The following RBFOX1 variants were observed in gnomAD, a reference collection of about 807,000 sequenced individuals.
The protein encoded by RBFOX1 is RNA binding fox-1 homolog 1, also known as RNA binding protein fox-1 homolog 1.
A neutral mutation model predicts 57.7 loss-of-function variants in RBFOX1; 8 were observed. The observed-to-expected ratio is 0.14, with a 90% confidence interval of 0.08 to 0.25. The LOEUF is 0.25. Ranked by LOEUF, RBFOX1 falls within the 10% of genes least tolerant of loss-of-function variation. The pLI is 1.00. For missense variants in RBFOX1, 611 were observed against 548.5 expected (o/e 1.11, Z -1.14); for synonymous variants, 326 against 222.4 (o/e 1.47, Z -4.15).
intron 1 of RBFOX1, among the ~76,000 whole-genome samples, chr16:6,231,325 A>G (rs936044222): frequency 2.6e-5 from 4 of 152,026 alleles, no homozygotes; most frequent in African/African-American, 7.2e-5. Flanking sequence ...GATGAAGGTT[A>G]TAAGTGGAGG....
intron 14 of RBFOX1, among the ~76,000 whole-genome samples, chr16:7,701,631 C>T (rs1282900658): frequency 1.3e-5 from 2 of 152,076 alleles, no homozygotes; most frequent in Admixed American, 6.5e-5. Context: ...GGTTTAGTTC[C>T]TCCAACTTCA....
intron 3 of RBFOX1, among the ~76,000 whole-genome samples, chr16:5,853,505 C>T (rs2056947680): frequency 1.3e-5 from 2 of 152,192 alleles, no homozygotes; most frequent in South Asian, 4.2e-4. Flanking sequence ...CTGGACCATC[C>T]AGCTGCACCT....
intron 2 of RBFOX1, among the ~76,000 whole-genome samples, chr16:6,640,899 C>T (rs1295581378): frequency 2.0e-5 from 3 of 152,090 alleles, no homozygotes; most frequent in Non-Finnish European, 4.4e-5. Context: ...ATCAGAACAG[C>T]ACCAGAAACC....
intron 2 of RBFOX1, among the ~76,000 whole-genome samples, chr16:6,386,969 A>G (rs2092327159): frequency 6.6e-6 from 1 of 152,190 alleles, no homozygotes; most frequent in South Asian, 2.1e-4. Flanking sequence ...TGGGGTAGTT[A>G]TTGATTCCGC....
intron 2 of RBFOX1, among the ~76,000 whole-genome samples, chr16:5,536,556 A>C (rs1289537104): frequency 1.3e-5 from 2 of 152,070 alleles, no homozygotes; most frequent in Non-Finnish European, 2.9e-5. Flanking sequence ...CTTACTGCAC[A>C]CCACAAAGAA....
intron 4 of RBFOX1, among the ~76,000 whole-genome samples, chr16:6,009,802 A>ATGTGTGTGTGTGTGTG (rs753032432): frequency 1.7e-5 from 1 of 58,562 alleles, no homozygotes; most frequent in African/African-American, 8.8e-5. Flanking sequence ...CAGTGTGTGT[A>ATGTGTGTGTGTGTGTG]TGTGTGTGTG....
At chr16:7,229,824 G>C (rs1442447700) in intron 4 of RBFOX1, among the ~76,000 whole-genome samples, 10 of 24,208 alleles carry the variant, frequency 4.1e-4, no homozygotes, top group Non-Finnish European at 8.0e-4. Context: ...GGAAGGAAGG[G>C]AGAGAGAGGG....
intron 3 of RBFOX1, among the ~76,000 whole-genome samples, chr16:5,773,808 C>G (rs2054056113): frequency 6.6e-6 from 1 of 152,150 alleles, no homozygotes; most frequent in Non-Finnish European, 1.5e-5. Flanking sequence ...AGCGGTTCTA[C>G]TGCCTCAACC....
intron 2 of RBFOX1, among the ~76,000 whole-genome samples, chr16:6,377,932 G>T (rs2091379057): frequency 6.6e-6 from 1 of 152,140 alleles, no homozygotes. Flanking sequence ...TCTCAAAGAT[G>T]ATTCCTGATC....
At chr16:6,599,217 A>G (rs949820639) in intron 2 of RBFOX1, among the ~76,000 whole-genome samples, 13 of 147,030 alleles carry the variant, frequency 8.8e-5, no homozygotes, top group African/African-American at 3.5e-4. Flanking sequence ...GCAAATCATT[A>G]TCCAGAACAT....
chr16:5,383,008 T>C, intron 1 of RBFOX1, among the ~76,000 whole-genome samples: 1 of 152,234 alleles, frequency 6.6e-6, no homozygotes, highest in Non-Finnish European at 1.5e-5. Context: ...TAAAGTGGCA[T>C]TAATTTCCTC....
chr16:7,706,149 C>G (rs1480013861), intron 14 of RBFOX1, among the ~76,000 whole-genome samples: 2 of 152,164 alleles, frequency 1.3e-5, no homozygotes, highest in Non-Finnish European at 2.9e-5. Context: ...TCCCCAATAA[C>G]CTTGTGACTA....
At chr16:5,322,408 C>G (rs1157321334) in intron 1 of RBFOX1, among the ~76,000 whole-genome samples, 1 of 152,004 alleles carries the variant, frequency 6.6e-6, no homozygotes, top group East Asian at 1.9e-4. Flanking sequence ...GTAGGATGAG[C>G]CTTTTGGTCT....
intron 2 of RBFOX1, among the ~76,000 whole-genome samples, chr16:6,537,435 T>C (rs563648940): frequency 6.6e-6 from 1 of 152,344 alleles, no homozygotes; most frequent in Admixed American, 6.5e-5. Context: ...GTGTATTATT[T>C]AACACTCACA....
chr16:6,388,345 T>G (rs1408634305), intron 2 of RBFOX1, among the ~76,000 whole-genome samples: 1 of 152,012 alleles, frequency 6.6e-6, no homozygotes, highest in Non-Finnish European at 1.5e-5. Flanking sequence ...TGGCACCATG[T>G]GGAGCGTAGG....
chr16:7,052,418 G>T (rs2050413139), intron 4 of RBFOX1, among the ~76,000 whole-genome samples: 1 of 152,150 alleles, frequency 6.6e-6, no homozygotes, highest in Non-Finnish European at 1.5e-5. Context: ...AAGGTCAAAA[G>T]GATGGCTGGC....
intron 1 of RBFOX1, among the ~76,000 whole-genome samples, chr16:6,220,287 T>G (rs574199460): frequency 6.6e-6 from 1 of 152,142 alleles, no homozygotes; most frequent in Non-Finnish European, 1.5e-5. Context: ...CTTTCTTGAA[T>G]TGCTAAATTG....
intron 3 of RBFOX1, among the ~76,000 whole-genome samples, chr16:6,998,581 A>G (rs148489070): frequency 4.6e-5 from 7 of 152,274 alleles, no homozygotes; most frequent in African/African-American, 1.4e-4. Flanking sequence ...TAGGATTTTA[A>G]TTTGGTTATA....
intron 4 of RBFOX1, among the ~76,000 whole-genome samples, chr16:7,338,577 G>T (rs959367362): frequency 7.2e-5 from 11 of 152,054 alleles, no homozygotes; most frequent in African/African-American, 2.4e-4. Context: ...TTCTTTTGTA[G>T]AGATGAGGTC....
Sources: allele counts gnomAD v4.1 joint callset (sites outside exome capture counted in the v4.1 genomes callset), GRCh38; gene constraint gnomAD v4.1.1; transcripts MANE v1.5; gene names NCBI Gene and HGNC (gene_info 2026-07-23, HGNC 2026-07-21).